CLUL1: variants seen among roughly 807,000 people sequenced by gnomAD.
CLUL1 encodes clusterin like 1, also known as clusterin-like protein 1.
A neutral mutation model predicts 49.4 loss-of-function variants in CLUL1; 43 were observed. The observed-to-expected ratio is 0.87, with a 90% CI of 0.68 to 1.12. The LOEUF (loss-of-function observed/expected upper bound fraction) is 1.12, where lower values mean the gene tolerates loss of function less well. Among genes scored for constraint, CLUL1 ranks in the 50% most tolerant of loss-of-function variants. The probability of loss-of-function intolerance (pLI) is 0.00; values close to 1 mark genes in which losing one functional copy is unlikely to be tolerated. For synonymous variants in CLUL1, 192 were observed against 184.9 expected (o/e 1.04, Z -0.31); for missense variants, 486 against 544.4 (o/e 0.89, Z 1.07).
intron 4 of CLUL1, among the ~76,000 whole-genome samples, chr18:620,516 C>A (rs1281644143): frequency 6.6e-6 from 1 of 152,160 alleles, no homozygotes; most frequent in South Asian, 2.1e-4. Flanking sequence ...AGCAAGGGAA[C>A]TATAGTTGAT....
Position 627,111 on chromosome 18 carries a change from C to T in CLUL1, c.438C>T (p.Phe146=), listed in dbSNP as rs771487281. 2.5e-5 allele frequency: 41 copies of T among 1,609,166 alleles called. No homozygotes were observed. Among genetic ancestry groups the T allele is most frequent in the Non-Finnish European group, 3.5e-5 (41 of 1,176,900 alleles). The change falls in exon 6 of 10, where the codon TTC becomes TTT. Residue 146 remains phenylalanine (F), a synonymous_variant. Coordinates refer to ENST00000692774, the MANE Select transcript of CLUL1 (RefSeq NM_001393344.1). The stretch of plus-strand genomic sequence containing the variant: ...CTACTCCACAGATTGAACGGTTTTT[C>T]AGGAAGATATATCAATTTCTATTTC... ...SSVKNKIERF[F]RKIYQFLFPF...
intron 1 of CLUL1, among the ~76,000 whole-genome samples, chr18:603,820 T>C (rs1280946900): frequency 6.6e-6 from 1 of 152,230 alleles, no homozygotes; most frequent in Non-Finnish European, 1.5e-5. Context: ...AATCTGTTCA[T>C]CTCTATAATT....
chr18:608,709 C>G (rs2073050200), intron 2 of CLUL1, among the ~76,000 whole-genome samples: 1 of 151,038 alleles, frequency 6.6e-6, no homozygotes, highest in Admixed American at 6.6e-5. Context: ...CAGAGTGAGA[C>G]TCTGTCTCTA....
chr18:627,227 G>A lies in CLUL1; in HGVS notation c.554G>A (p.Ser185Asn). The A allele has an allele frequency of 6.2e-7, 1 of 1,613,962 alleles. No homozygotes were observed. The highest frequency in any genetic ancestry group is 8.5e-7 in the Non-Finnish European group (1 of 1,179,998). ...AQLTQMEDVFSQLTVDVNSLF... is the reference protein window; with the variant it reads ...AQLTQMEDVFNQLTVDVNSLF... ...TTGACCCAAATGGAGGATGTGTTCAGCCAGTTGACTGTGGATGTGAATTCT... is the reference window on the plus strand; with the variant it reads ...TTGACCCAAATGGAGGATGTGTTCAACCAGTTGACTGTGGATGTGAATTCT... The change falls in exon 6 of 10, where the codon AGC (serine) becomes AAC (asparagine). Residue 185 changes from serine to asparagine, a missense_variant. Physicochemically the swap from Ser to Asn is conservative, Grantham distance 46 (BLOSUM62 1). Coordinates refer to ENST00000692774, the MANE Select transcript of CLUL1 (RefSeq NM_001393344.1).
At chr18:645,211 A>C in intron 9 of CLUL1, 114 bp downstream of exon 9, 1 of 738,640 alleles carries the variant, frequency 1.4e-6, no homozygotes, top group Admixed American at 3.5e-5. Flanking sequence ...CTCATTAATA[A>C]AGACATGAAA....
intron 7 of CLUL1, among the ~76,000 whole-genome samples, chr18:634,854 G>A (rs527661835): frequency 2.8e-4 from 42 of 151,802 alleles, no homozygotes; most frequent in African/African-American, 9.7e-4. Flanking sequence ...CCCTTCTCCA[G>A]ACTAAAGTCA....
chr18:611,516 A>T (rs2073134940), intron 2 of CLUL1, among the ~76,000 whole-genome samples: 2 of 152,168 alleles, frequency 1.3e-5, no homozygotes, highest in South Asian at 4.2e-4. Context: ...GAGCACTATG[A>T]TTACACCTGT....
chr18:647,157 G>C (rs2074531223), intron 9 of CLUL1, among the ~76,000 whole-genome samples: 1 of 152,172 alleles, frequency 6.6e-6, no homozygotes, highest in Admixed American at 6.6e-5. Context: ...TTCCAAAAGG[G>C]GGGATGGCAT....
intron 7 of CLUL1, among the ~76,000 whole-genome samples, chr18:634,374 C>T (rs894025181): frequency 9.9e-5 from 15 of 152,118 alleles, no homozygotes; most frequent in Admixed American, 4.6e-4. Flanking sequence ...CCTTGTGATC[C>T]GCCCACCTCG....
Position 612,205 on chromosome 18 carries a change from C to T in CLUL1, c.-14+5106C>T, listed in dbSNP as rs1323318657. Among the ~76,000 whole-genome samples the T allele has an allele frequency of 2.6e-5, 4 of 152,158 alleles. No individual in the cohort carries two copies. The East Asian group carries it at 7.7e-4, about 29-fold the overall frequency. ...TTTAAAACCAGTGCATTATTGTTGC[C>T]CTTTGGGAAATCCTCCACAATTATC... On this transcript the variant is annotated intron_variant, in intron 2 of 9. Transcript: ENST00000692774.
At chr18:601,119 A>G (rs1221031721) in intron 1 of CLUL1, among the ~76,000 whole-genome samples, 1 of 152,184 alleles carries the variant, frequency 6.6e-6, no homozygotes. Flanking sequence ...TTAATTGTCT[A>G]ATGTATGCCA....
chr18:619,427 T>A, intron 4 of CLUL1, 66 bp downstream of exon 4: 1 of 1,342,198 alleles, frequency 7.5e-7, no homozygotes, highest in Non-Finnish European at 1.0e-6. Context: ...CACTTGTTAG[T>A]GCGATTGATG....
At chr18:597,949 G>A (rs958579206) in intron 1 of CLUL1, 1 of 152,324 alleles carries the variant, frequency 6.6e-6, no homozygotes, top group African/African-American at 2.4e-5. Flanking sequence ...GATTACTCTA[G>A]CTTAGCCTAC....
At chr18:641,295 T>A in intron 7 of CLUL1, 32 bp from the exon 8 acceptor site, 1 of 1,598,322 alleles carries the variant, frequency 6.3e-7, no homozygotes, top group Admixed American at 1.7e-5. Context: ...CATGGACTTT[T>A]TCCTTCTCCA....
chr18:617,498 GGCA>G (rs1271614220), intron 2 of CLUL1, among the ~76,000 whole-genome samples: 4 of 151,524 alleles, frequency 2.6e-5, no homozygotes, highest in African/African-American at 9.7e-5. Context: ...GGAAGGCTGA[GGCA>G]GGAGAATCAC....
intron 7 of CLUL1, among the ~76,000 whole-genome samples, chr18:636,878 C>T (rs1443945100): frequency 6.6e-6 from 1 of 152,150 alleles, no homozygotes; most frequent in Non-Finnish European, 1.5e-5. Flanking sequence ...TTGCCTGCCT[C>T]TGCCTCCCAA....
Position 604,025 on chromosome 18 carries a change from C to G in CLUL1, c.-135-2953C>G, listed in dbSNP as rs113322660. Among the ~76,000 whole-genome samples, 1,094 of 152,224 alleles carry G rather than the reference C, an allele frequency of 7.2e-3. 13 individuals are homozygous for G. The highest frequency in any genetic ancestry group is 0.025 in the African/African-American group (1,029 of 41,504). ...CCTCCTGAGTAGCTGGGACTACAGA[C>G]ACACGCCACCTCACCTGGCTAATTT... is the stretch of plus-strand genomic sequence containing the variant. On this transcript the variant is annotated intron_variant, in intron 1 of 9. Transcript: ENST00000692774.
At chr18:634,375 G>T (rs945668490) in intron 7 of CLUL1, among the ~76,000 whole-genome samples, 2 of 151,854 alleles carry the variant, frequency 1.3e-5, no homozygotes, top group African/African-American at 4.8e-5. Flanking sequence ...CTTGTGATCC[G>T]CCCACCTCGG....
chr18:601,012 C>A (rs2072812927), intron 1 of CLUL1, among the ~76,000 whole-genome samples: 1 of 152,206 alleles, frequency 6.6e-6, no homozygotes, highest in Non-Finnish European at 1.5e-5. Context: ...GATCACCCTA[C>A]CCAATGGCCT....
Sources: allele counts gnomAD v4.1 joint callset (sites outside exome capture counted in the v4.1 genomes callset), GRCh38; gene constraint gnomAD v4.1.1; transcripts MANE v1.5; gene names NCBI Gene and HGNC (gene_info 2026-07-23, HGNC 2026-07-21).